Variants in CCDC102B observed in about 807,000 individuals in gnomAD.
The protein encoded by CCDC102B is coiled-coil domain containing 102B, also known as coiled-coil domain-containing protein 102B.
Under a neutral mutation model 57.4 loss-of-function variants are expected in CCDC102B, and 75 were observed. The ratio of observed to expected loss-of-function variants is 1.31; its 90% CI spans 1.08 to 1.58. CCDC102B has a LOEUF of 1.58. Ranked by LOEUF, CCDC102B falls within the 40% of genes most tolerant of loss-of-function variation. CCDC102B has a pLI of 0.00. For synonymous variants in CCDC102B, 206 were observed against 201.9 expected (o/e 1.02, Z -0.17); for missense variants, 636 against 582.6 (o/e 1.09, Z -0.94).
chr18:68,955,597 A>G (rs1003581048), intron 6 of CCDC102B, among the ~76,000 whole-genome samples: 8 of 152,050 alleles, frequency 5.3e-5, no homozygotes, highest in Admixed American at 5.2e-4. Flanking sequence ...TACAGAATTC[A>G]GAAATTTAAA....
At chr18:68,831,987 G>A (rs1356163316) in intron 1 of CCDC102B, among the ~76,000 whole-genome samples, 1 of 151,878 alleles carries the variant, frequency 6.6e-6, no homozygotes, top group Non-Finnish European at 1.5e-5. Context: ...CAGAGTATAT[G>A]TCATCGTATC....
At chr18:68,759,104 TA>T (rs1456516366) in intron 2 of CCDC102B, among the ~76,000 whole-genome samples, 1 of 151,350 alleles carries the variant, frequency 6.6e-6, no homozygotes, top group Non-Finnish European at 1.5e-5. Context: ...GAAAGCACTA[TA>T]AAAAGCTCAA....
intron 6 of CCDC102B, among the ~76,000 whole-genome samples, chr18:68,911,148 C>A (rs2040829783): frequency 6.6e-6 from 1 of 152,122 alleles, no homozygotes; most frequent in African/African-American, 2.4e-5. Context: ...CTGTTCATTG[C>A]AGCACTATTC....
At position 68,779,123 on chromosome 18, in the gene CCDC102B, T is replaced by G. The variant is rs78332470; in HGVS notation, c.-66-44243T>G. Among the ~76,000 whole-genome samples, 273 of 152,182 alleles carry G rather than the reference T, an allele frequency of 1.8e-3. 3 individuals carry two copies. The East Asian group carries it at 0.043, about 24-fold the overall frequency. On this transcript the variant is annotated intron_variant, in intron 2 of 3. Coordinates refer to the CCDC102B transcript ENST00000578970. ...ACAGATGTTCCCAAATACCTTGCCC[T>G]CATCTCCCAGTAGCTTGATAAACAA...
At chr18:68,951,901 A>T (rs1402849938) in intron 6 of CCDC102B, among the ~76,000 whole-genome samples, 1 of 152,028 alleles carries the variant, frequency 6.6e-6, no homozygotes, top group Non-Finnish European at 1.5e-5. Flanking sequence ...AAGCAAATTT[A>T]CTGGAATTCT....
At chr18:68,765,362 A>G (rs944645589) in intron 2 of CCDC102B, among the ~76,000 whole-genome samples, 1 of 142,950 alleles carries the variant, frequency 7.0e-6, no homozygotes, top group East Asian at 2.0e-4. Flanking sequence ...AGAAAGAAAG[A>G]AAGAAAGAAA....
intron 4 of CCDC102B, among the ~76,000 whole-genome samples, chr18:68,861,520 G>A (rs1447223537): frequency 1.3e-5 from 2 of 152,032 alleles, no homozygotes; most frequent in Admixed American, 6.6e-5. Flanking sequence ...GACCAGAGTA[G>A]CATTTAGCCT....
At chr18:68,810,444 G>T (rs1038256272) in intron 1 of CCDC102B, among the ~76,000 whole-genome samples, 1 of 152,070 alleles carries the variant, frequency 6.6e-6, no homozygotes, top group Non-Finnish European at 1.5e-5. Flanking sequence ...CAATGTATTA[G>T]TTTACAATAT....
At chr18:69,029,516 G>A (rs73967767) in intron 7 of CCDC102B, among the ~76,000 whole-genome samples, 17 of 152,018 alleles carry the variant, frequency 1.1e-4, no homozygotes, top group South Asian at 2.1e-4. Flanking sequence ...TTTACACAGC[G>A]TCAAGAGATG....
At chr18:68,839,115 G>A in intron 3 of CCDC102B, 189 bp downstream of exon 3, 1 of 597,484 alleles carries the variant, frequency 1.7e-6, no homozygotes, top group Non-Finnish European at 2.9e-6. Flanking sequence ...TAACTTGTTA[G>A]TGTTTTCCAT....
intron 2 of CCDC102B, among the ~76,000 whole-genome samples, chr18:68,778,792 G>C (rs2034907165): frequency 6.6e-6 from 1 of 151,728 alleles, no homozygotes; most frequent in Admixed American, 6.6e-5. Flanking sequence ...ATTCAGACTT[G>C]GGGAAGCAGA....
At chr18:68,801,295 A>G (rs892799043) in intron 1 of CCDC102B, among the ~76,000 whole-genome samples, 1 of 152,156 alleles carries the variant, frequency 6.6e-6, no homozygotes. Flanking sequence ...TAGATGCTCA[A>G]TGGAGATTGT....
intron 6 of CCDC102B, among the ~76,000 whole-genome samples, chr18:69,009,133 T>G (rs542040056): frequency 1.3e-5 from 2 of 152,346 alleles, no homozygotes; most frequent in African/African-American, 4.8e-5. Context: ...ATATTGCCAG[T>G]GTTTCTCCAT....
intron 1 of CCDC102B, among the ~76,000 whole-genome samples, chr18:68,815,672 T>G (rs1433306517): frequency 1.7e-5 from 1 of 57,984 alleles, no homozygotes; most frequent in Non-Finnish European, 3.2e-5. Context: ...TCACCTCCAT[T>G]TACATACACA....
At chr18:68,752,930 C>T (rs2145250160) in intron 2 of CCDC102B, among the ~76,000 whole-genome samples, 1 of 152,130 alleles carries the variant, frequency 6.6e-6, no homozygotes, top group Non-Finnish European at 1.5e-5. Context: ...AAATCTCAGC[C>T]ATTACTTTTT....
At chr18:68,948,947 G>A (rs1339631138) in intron 6 of CCDC102B, among the ~76,000 whole-genome samples, 1 of 152,060 alleles carries the variant, frequency 6.6e-6, no homozygotes, top group Non-Finnish European at 1.5e-5. Context: ...CCCACAATAG[G>A]ATGTCTGCAA....
intron 2 of CCDC102B, among the ~76,000 whole-genome samples, chr18:68,790,655 C>T (rs2144659602): frequency 6.6e-6 from 1 of 152,344 alleles, no homozygotes; most frequent in South Asian, 2.1e-4. Flanking sequence ...CCTTGCGCTT[C>T]CCAAGTGAGG....
rs571130680 is a variant in CCDC102B, at chr18:69,000,175, G to C, written c.1264-10759G>C. Among the ~76,000 whole-genome samples the C allele has an allele frequency of 2.0e-5, 3 of 152,170 alleles. No individual in the cohort carries two copies. The East Asian group carries it at 5.8e-4, about 29-fold the overall frequency. On this transcript the variant is annotated intron_variant, in intron 6 of 7. Coordinates refer to ENST00000360242, the MANE Select transcript of CCDC102B (RefSeq NM_024781.3). ...AATAACAATAATAGTAATTAGCTAT[G>C]TATAAAACAACAAATGTATGTATAA... is the stretch of plus-strand genomic sequence containing the variant.
chr18:68,743,204 AAAATAAATAAATAAATAAATAAAT>A (rs149028636), intron 2 of CCDC102B, among the ~76,000 whole-genome samples: 19 of 142,534 alleles, frequency 1.3e-4, no homozygotes, highest in South Asian at 2.3e-4. Context: ...CATCTCAACA[AAAATAAATAAATAAATAAATAAAT>A]AAATAAATAA....
Sources: allele counts gnomAD v4.1 joint callset (sites outside exome capture counted in the v4.1 genomes callset), GRCh38; gene constraint gnomAD v4.1.1; transcripts MANE v1.5; gene names NCBI Gene and HGNC (gene_info 2026-07-23, HGNC 2026-07-21).